Variants in NTRK3 observed in about 807,000 individuals in gnomAD.
NTRK3 encodes the protein neurotrophic receptor tyrosine kinase 3.
In NTRK3, 24 loss-of-function variants were observed where a neutral mutation model predicts 91.7. That is an observed-to-expected ratio of 0.26 (90% confidence interval 0.19 to 0.37). The LOEUF (loss-of-function observed/expected upper bound fraction) is 0.37. NTRK3 is among the 10% of genes least tolerant of loss of function. NTRK3 has a pLI of 1.00. For missense variants in NTRK3, 880 were observed against 1,068.9 expected (o/e 0.82, Z 2.46); for synonymous variants, 483 against 404.0 (o/e 1.20, Z -2.34).
intron 13 of NTRK3, among the ~76,000 whole-genome samples, chr15:88,078,382 G>T (rs114488488): frequency 0.03 from 4,638 of 152,272 alleles, 224 homozygotes; most frequent in African/African-American, 0.1. Context: ...CAGGCCTGGT[G>T]CGGTGGCTCA....
At chr15:88,146,277 G>A (rs557279504) in intron 6 of NTRK3, among the ~76,000 whole-genome samples, 2 of 152,164 alleles carry the variant, frequency 1.3e-5, no homozygotes, top group Admixed American at 6.5e-5. Flanking sequence ...GTAAGGTTTT[G>A]ATGCATCCAT....
chr15:88,212,756 A>G (rs962473487), intron 3 of NTRK3, among the ~76,000 whole-genome samples: 2 of 134,962 alleles, frequency 1.5e-5, no homozygotes, highest in Non-Finnish European at 3.1e-5. Flanking sequence ...ACACACACAC[A>G]CACATCCCAG....
intron 3 of NTRK3, chr15:88,253,475 C>CG (rs2053642829): frequency 1.3e-5 from 2 of 152,272 alleles, no homozygotes; most frequent in African/African-American, 4.8e-5. Context: ...GCTGACTTTC[C>CG]GGGGTAAGCG....
chr15:88,181,919 T>C (rs765773769), intron 5 of NTRK3, among the ~76,000 whole-genome samples: 62 of 152,354 alleles, frequency 4.1e-4, no homozygotes, highest in Admixed American at 2.6e-4. Context: ...ACTTCTCAGA[T>C]GTCAAAAGCT....
At chr15:88,123,520 C>T (rs1455275009) in intron 13 of NTRK3, among the ~76,000 whole-genome samples, 7 of 152,162 alleles carry the variant, frequency 4.6e-5, no homozygotes, top group African/African-American at 4.8e-5. Flanking sequence ...GAGTCAAACT[C>T]GGTAAAATAA....
rs544492641 is a variant in NTRK3 at position 88,201,556 on chromosome 15, C to T, written c.249-17257G>A. ...ACAAACCCTCTCCTCCTGCACACCT[C>T]GTACATGCTACAGGAGTGCAGAGAG... On this transcript the variant is annotated intron_variant, in intron 3 of 18. Coordinates refer to ENST00000394480, the Ensembl canonical transcript of NTRK3. Among the ~76,000 whole-genome samples, 41 of 152,282 alleles carry T rather than the reference C, an allele frequency of 2.7e-4. 1 individual carries two copies. The highest frequency in any genetic ancestry group is 8.7e-4 in the African/African-American group (36 of 41,556).
intron 10 of NTRK3, among the ~76,000 whole-genome samples, chr15:88,131,284 A>G (rs17829890): frequency 0.15 from 22,760 of 152,244 alleles, 1,958 homozygotes; most frequent in Middle Eastern, 0.2. Flanking sequence ...TCATTCACTC[A>G]TTGCGGGCCC....
intron 5 of NTRK3, 38 bp downstream of exon 5, chr15:88,183,380 C>T: frequency 6.2e-7 from 1 of 1,604,440 alleles, no homozygotes; most frequent in Non-Finnish European, 8.5e-7. Context: ...AGAGTACCTG[C>T]CATGTGCCCC....
At chr15:88,003,010 C>T (rs2076227291) in intron 14 of NTRK3, among the ~76,000 whole-genome samples, 1 of 152,174 alleles carries the variant, frequency 6.6e-6, no homozygotes, top group African/African-American at 2.4e-5. Flanking sequence ...TCAAAGGCAG[C>T]GTGCCAGCAC....
chr15:87,952,076 G>A (rs746244745), intron 14 of NTRK3, among the ~76,000 whole-genome samples: 4 of 151,952 alleles, frequency 2.6e-5, no homozygotes, highest in Non-Finnish European at 5.9e-5. Flanking sequence ...GCAGTCAGCC[G>A]AGATGGCGCC....
intron 14 of NTRK3, among the ~76,000 whole-genome samples, chr15:87,999,265 T>C (rs886563408): frequency 6.6e-6 from 1 of 152,214 alleles, no homozygotes; most frequent in African/African-American, 2.4e-5. Context: ...GGAAAAGATA[T>C]TCTTCCTCTG....
chr15:88,138,933 A>C (rs1257126760), intron 6 of NTRK3, among the ~76,000 whole-genome samples: 1 of 152,356 alleles, frequency 6.6e-6, no homozygotes, highest in Non-Finnish European at 1.5e-5. Flanking sequence ...AGAGAACGAG[A>C]CTGACTGACT....
chr15:88,050,162 G>A (rs2080677814), intron 13 of NTRK3, among the ~76,000 whole-genome samples: 1 of 152,056 alleles, frequency 6.6e-6, no homozygotes, highest in Non-Finnish European at 1.5e-5. Context: ...TAAAGAAAGT[G>A]TCAATATAAT....
intron 14 of NTRK3, among the ~76,000 whole-genome samples, chr15:88,030,537 T>G (rs1432964349): frequency 1.3e-5 from 2 of 152,188 alleles, no homozygotes; most frequent in African/African-American, 4.8e-5. Context: ...CGAGATCATA[T>G]TCTGCACCAG....
chr15:88,032,986 G>C, exon 14 of NTRK3: 1 of 1,610,066 alleles, frequency 6.2e-7, no homozygotes, highest in Non-Finnish European at 8.5e-7. Context: ...GTGATGCCGT[G>C]GTTGATGTGG....
chr15:88,084,023 T>C (rs918260178), intron 13 of NTRK3, among the ~76,000 whole-genome samples: 7 of 151,932 alleles, frequency 4.6e-5, no homozygotes, highest in Admixed American at 4.6e-4. Context: ...CATATGTCTC[T>C]GATTCATTTA....
At chr15:88,103,939 A>G (rs569820715) in intron 13 of NTRK3, among the ~76,000 whole-genome samples, 1 of 152,280 alleles carries the variant, frequency 6.6e-6, no homozygotes, top group East Asian at 1.9e-4. Flanking sequence ...ATTCTACACT[A>G]GAGACATTCT....
intron 14 of NTRK3, among the ~76,000 whole-genome samples, chr15:87,961,328 G>A (rs186413509): frequency 2.0e-5 from 3 of 152,270 alleles, no homozygotes; most frequent in Admixed American, 2.0e-4. Context: ...TCATTAAACT[G>A]TTGACTGTCA....
intron 15 of NTRK3, among the ~76,000 whole-genome samples, chr15:87,936,499 A>G (rs1296688479): frequency 6.6e-6 from 1 of 151,348 alleles, no homozygotes; most frequent in African/African-American, 2.4e-5. Context: ...GTCATTCAGC[A>G]TCTTCATGTC....
Sources: gnomAD v4.1 joint callset for allele counts (sites outside exome capture counted in the v4.1 genomes callset) on GRCh38, gnomAD v4.1.1 for gene constraint, MANE v1.5 for transcripts, NCBI Gene and HGNC (gene_info 2026-07-23, HGNC 2026-07-21) for gene names.